The following DENND1A variants were observed in gnomAD, a reference collection of about 807,000 sequenced individuals.
DENND1A encodes the protein DENN domain containing 1A, also known as DENN domain-containing protein 1A.
A neutral mutation model predicts 113.7 loss-of-function variants in DENND1A; 51 were observed. That is an observed-to-expected ratio of 0.45 (90% CI 0.36 to 0.57). DENND1A has a LOEUF of 0.57. Ranked by LOEUF, DENND1A falls within the 20% of genes least tolerant of loss-of-function variation. The pLI, the probability that DENND1A is intolerant of heterozygous loss-of-function variation, is 0.00. For missense variants in DENND1A, 1,258 were observed against 1,395.9 expected (o/e 0.90, Z 1.57); for synonymous variants, 565 against 570.8 (o/e 0.99, Z 0.14).
chr9:123,700,065 A>G (rs769860764), intron 5 of DENND1A, among the ~76,000 whole-genome samples: 1 of 152,090 alleles, frequency 6.6e-6, no homozygotes, highest in East Asian at 1.9e-4. Flanking sequence ...ATATATCTAG[A>G]TATCAGTTGA....
At chr9:123,903,693 A>G (rs1414035917) in intron 1 of DENND1A, among the ~76,000 whole-genome samples, 1 of 152,218 alleles carries the variant, frequency 6.6e-6, no homozygotes, top group African/African-American at 2.4e-5. Context: ...CCACGATATT[A>G]TATCCCGCAC....
At chr9:123,818,708 G>A (rs1248012145) in intron 2 of DENND1A, among the ~76,000 whole-genome samples, 2 of 151,356 alleles carry the variant, frequency 1.3e-5, no homozygotes, top group African/African-American at 2.4e-5. Flanking sequence ...ATGAAACAAA[G>A]TTTGTGTTAA....
At chr9:123,442,894 G>A (rs2047032894) in intron 18 of DENND1A, among the ~76,000 whole-genome samples, 1 of 152,180 alleles carries the variant, frequency 6.6e-6, no homozygotes, top group African/African-American at 2.4e-5. Context: ...TGGGTGAAAT[G>A]AGATAGGAGG....
At chr9:123,929,737 T>C (rs916857912) in intron 1 of DENND1A, among the ~76,000 whole-genome samples, 152 bp downstream of exon 1, 2 of 145,354 alleles carry the variant, frequency 1.4e-5, no homozygotes, top group African/African-American at 5.1e-5. Context: ...TGGATCGCCA[T>C]AGCAACCGTC....
chr9:123,603,772 A>G (rs534099144), intron 11 of DENND1A, among the ~76,000 whole-genome samples: 1 of 152,332 alleles, frequency 6.6e-6, no homozygotes, highest in South Asian at 2.1e-4. Context: ...AGAAGAAAAG[A>G]CACAATCTAG....
At chr9:123,442,295 G>T (rs2046986067) in intron 18 of DENND1A, among the ~76,000 whole-genome samples, 1 of 152,148 alleles carries the variant, frequency 6.6e-6, no homozygotes, top group South Asian at 2.1e-4. Context: ...TGGATCAGGT[G>T]GCCCACGTTT....
chr9:123,440,458 C>G lies in DENND1A; in HGVS notation c.1390G>C (p.Glu464Gln). 6.4e-7 allele frequency: 1 copy of G among 1,572,586 alleles called. No individual in the cohort carries two copies. The highest frequency in any genetic ancestry group is 8.6e-7 in the Non-Finnish European group (1 of 1,167,140). ...IAENGCAPTPEEQLPKTAPSP... is the reference protein window; with the variant it reads ...IAENGCAPTPQEQLPKTAPSP... ...GGTGCAGTCTTTGGCAGCTGCTCTT[C>G]TGGGGTGGGGGCGCAGCCATTCTCG... Residue 464 changes from glutamate to glutamine, a missense_variant, in exon 19 of 24, where the codon GAA (glutamate) becomes CAA (glutamine). By Grantham distance (29) the Glu-to-Gln change is conservative. This residue lies in a region of DENND1A where 1,159 missense variants were observed against 1,231.7 expected (regional missense o/e 0.94). Transcript: ENST00000394215.
intron 11 of DENND1A, among the ~76,000 whole-genome samples, chr9:123,585,065 A>T (rs1203566045): frequency 1.5e-5 from 2 of 137,852 alleles, no homozygotes; most frequent in Non-Finnish European, 3.1e-5. Context: ...GTGGAGCCAC[A>T]CTGGTCACAA....
intron 13 of DENND1A, among the ~76,000 whole-genome samples, chr9:123,513,149 C>T (rs1325740814): frequency 6.6e-6 from 1 of 152,214 alleles, no homozygotes; most frequent in Non-Finnish European, 1.5e-5. Context: ...GTGGCCATGG[C>T]CTGACCTCTG....
intron 1 of DENND1A, among the ~76,000 whole-genome samples, chr9:123,900,884 ACCTTCT>A (rs1441586068): frequency 6.6e-6 from 1 of 152,242 alleles, no homozygotes. Flanking sequence ...ATCTAACAGT[ACCTTCT>A]CCATAGGATT....
At chr9:123,820,280 C>G (rs1036846010) in intron 2 of DENND1A, among the ~76,000 whole-genome samples, 4 of 152,210 alleles carry the variant, frequency 2.6e-5, no homozygotes, top group Admixed American at 2.0e-4. Context: ...GGGCTGACTT[C>G]GTGACTTGCT....
chr9:123,770,019 C>T (rs1010806064), intron 3 of DENND1A, among the ~76,000 whole-genome samples: 1 of 152,148 alleles, frequency 6.6e-6, no homozygotes, highest in African/African-American at 2.4e-5. Context: ...CATCAATAGG[C>T]CAAATCACAG....
chr9:123,577,020 A>C (rs1190177318), intron 12 of DENND1A, among the ~76,000 whole-genome samples: 1 of 152,008 alleles, frequency 6.6e-6, no homozygotes, highest in Non-Finnish European at 1.5e-5. Context: ...GTATAATTTC[A>C]TCAAAATTGA....
At chr9:123,575,081 A>G (rs1306477709) in intron 12 of DENND1A, among the ~76,000 whole-genome samples, 1 of 152,220 alleles carries the variant, frequency 6.6e-6, no homozygotes, top group Non-Finnish European at 1.5e-5. Context: ...TTTGTAGAAC[A>G]GCAGTCCCAC....
intron 2 of DENND1A, among the ~76,000 whole-genome samples, chr9:123,811,737 C>T (rs954660746): frequency 6.6e-6 from 1 of 152,000 alleles, no homozygotes; most frequent in Admixed American, 6.6e-5. Flanking sequence ...CCAGCCAGGG[C>T]GACAGAGCAA....
chr9:123,823,397 C>T (rs551713813), intron 2 of DENND1A, among the ~76,000 whole-genome samples: 3 of 152,062 alleles, frequency 2.0e-5, no homozygotes, highest in South Asian at 2.1e-4. Context: ...GGAAGGAATG[C>T]GGGTCAAAAG....
intron 11 of DENND1A, among the ~76,000 whole-genome samples, chr9:123,587,448 G>C (rs2059232857): frequency 1.3e-5 from 2 of 152,214 alleles, no homozygotes; most frequent in South Asian, 4.1e-4. Context: ...CGTGAAGCTA[G>C]ACAACCAGTT....
chr9:123,733,524 C>T (rs761400363), intron 5 of DENND1A, among the ~76,000 whole-genome samples: 5 of 151,500 alleles, frequency 3.3e-5, no homozygotes, highest in Admixed American at 6.6e-5. Flanking sequence ...TGGCCTCAAG[C>T]GATCCTCCCA....
intron 9 of DENND1A, among the ~76,000 whole-genome samples, chr9:123,630,689 T>C (rs911607678): frequency 3.3e-5 from 5 of 152,156 alleles, no homozygotes; most frequent in African/African-American, 1.2e-4. Context: ...ATAAAGCTAA[T>C]ATACGAAATA....
Sources: gnomAD v4.1 joint callset for allele counts (sites outside exome capture counted in the v4.1 genomes callset) on GRCh38, gnomAD v4.1.1 for gene constraint, gnomAD v4.1.1 regional missense constraint, MANE v1.5 for transcripts, NCBI Gene and HGNC (gene_info 2026-07-23, HGNC 2026-07-21) for gene names.